The following LIPA variants were observed in gnomAD, a reference collection of about 807,000 sequenced individuals.
LIPA encodes lysosomal acid lipase/cholesteryl ester hydrolase.
LIPA carries 26 observed loss-of-function variants against 40.6 expected under a neutral mutation model. The ratio of observed to expected loss-of-function variants is 0.64; its 90% CI spans 0.47 to 0.89. The LOEUF (loss-of-function observed/expected upper bound fraction) is 0.89. Ranked by LOEUF, LIPA falls within the 40% of genes least tolerant of loss-of-function variation. The pLI, the probability that LIPA is intolerant of heterozygous loss-of-function variation, is 0.00. For missense variants in LIPA, 455 were observed against 479.6 expected, an observed-to-expected ratio of 0.95 and a Z score of 0.48; for synonymous variants, 188 against 168.4, an observed-to-expected ratio of 1.12 and a Z score of -0.90.
At chr10:89,249,674 C>A (rs1347931124) in intron 1 of LIPA, among the ~76,000 whole-genome samples, 2 of 152,050 alleles carry the variant, frequency 1.3e-5, no homozygotes, top group Admixed American at 6.6e-5. Flanking sequence ...ATATAAAACT[C>A]CACAAAATGC....
upstream of LIPA, among the ~76,000 whole-genome samples, chr10:89,252,681 C>T (rs1843144963): frequency 6.6e-6 from 1 of 152,028 alleles, no homozygotes; most frequent in Non-Finnish European, 1.5e-5. Context: ...TGGTGTGTGC[C>T]TCTAATCCCA....
chr10:89,275,062 A>G (rs1843283131), intron 1 of LIPA, among the ~76,000 whole-genome samples: 1 of 152,208 alleles, frequency 6.6e-6, no homozygotes, highest in African/African-American at 2.4e-5. Flanking sequence ...ATAATAAATA[A>G]TGTCTCAACT....
chr10:89,413,129 G>A (rs888323680), intron 1 of LIPA, among the ~76,000 whole-genome samples: 6 of 152,184 alleles, frequency 3.9e-5, no homozygotes, highest in African/African-American at 1.4e-4. Flanking sequence ...TCCTGCATTA[G>A]TTTGCTGAGG....
rs41284136 is a variant in LIPA at position 89,328,048 on chromosome 10, G to A, written c.-2+14563C>T. 1.3e-5 allele frequency: 21 copies of A among 1,613,732 alleles called. No individual in the cohort carries two copies. In the African/African-American group the frequency reaches 1.5e-4, roughly 11 times the overall value. On this transcript the variant is annotated intron_variant, in intron 1 of 5. Transcript: ENST00000282673. ...AATCAGCCTGGTCACCAGCTTTTCG[G>A]AACAGCAGAGACACAGAGGGCAGTC...
chr10:89,243,042 G>A (rs1270314205), intron 3 of LIPA, among the ~76,000 whole-genome samples: 1 of 152,160 alleles, frequency 6.6e-6, no homozygotes, highest in Non-Finnish European at 1.5e-5. Flanking sequence ...GTCATTAGGA[G>A]GATGCTGGTG....
chr10:89,336,568 A>C (rs1366075096), intron 1 of LIPA, among the ~76,000 whole-genome samples: 1 of 152,246 alleles, frequency 6.6e-6, no homozygotes, highest in Non-Finnish European at 1.5e-5. Context: ...GGTAAATTGC[A>C]AATAAAGTCA....
intron 1 of LIPA, among the ~76,000 whole-genome samples, chr10:89,296,414 C>T (rs1364813531): frequency 6.6e-6 from 1 of 150,694 alleles, no homozygotes; most frequent in Non-Finnish European, 1.5e-5. Context: ...ACTGCTTGAA[C>T]CCGGTAGGCA....
chr10:89,390,650 A>C (rs1280540542), intron 2 of LIPA, among the ~76,000 whole-genome samples: 1 of 151,950 alleles, frequency 6.6e-6, no homozygotes, highest in Non-Finnish European at 1.5e-5. Flanking sequence ...TCTTTCCTTA[A>C]TGCTGTTCTA....
chr10:89,384,521 T>G (rs1318743176), intron 2 of LIPA: 1 of 1,613,954 alleles, frequency 6.2e-7, no homozygotes, highest in Admixed American at 1.7e-5. Context: ...ACCCATTATT[T>G]AAAAGGTTTG....
intron 2 of LIPA, chr10:89,384,104 A>G (rs370101022): frequency 1.4e-5 from 22 of 1,614,068 alleles, no homozygotes; most frequent in Non-Finnish European, 1.7e-5. Flanking sequence ...TATCGAAGAA[A>G]AGGGTCTGTG....
At chr10:89,230,814 A>G (rs1032583337) in intron 3 of LIPA, among the ~76,000 whole-genome samples, 1 of 152,248 alleles carries the variant, frequency 6.6e-6, no homozygotes, top group African/African-American at 2.4e-5. Context: ...GTAAGAGTTC[A>G]CTATATATCA....
intron 1 of LIPA, among the ~76,000 whole-genome samples, chr10:89,286,610 G>C (rs1290146901): frequency 6.6e-6 from 1 of 152,164 alleles, no homozygotes. Context: ...ACCCAGCCCA[G>C]TTCATGGCTT....
At position 89,334,156 on chromosome 10, in the gene LIPA, A is replaced by G. The variant is rs576976440; in HGVS notation, c.-2+8455T>C. Among the ~76,000 whole-genome samples the G allele has an allele frequency of 2.0e-5, 3 of 152,346 alleles. No individual in the cohort carries two copies. The East Asian group carries it at 5.8e-4, about 29-fold the overall frequency. Reference sequence around the variant, plus strand: ...AAAATTTCAAGATTCTACTCTAGTAATAGCTTTGACTGGGAAGGAGATGTG... The same window carrying G: ...AAAATTTCAAGATTCTACTCTAGTAGTAGCTTTGACTGGGAAGGAGATGTG... On this transcript the variant is annotated intron_variant, in intron 1 of 5. Transcript: ENST00000282673.
At chr10:89,371,305 T>C (rs543570986) in intron 2 of LIPA, among the ~76,000 whole-genome samples, 2 of 152,338 alleles carry the variant, frequency 1.3e-5, no homozygotes, top group Non-Finnish European at 2.9e-5. Flanking sequence ...AAGGCTAAGC[T>C]TGTGGCCTGC....
intron 1 of LIPA, among the ~76,000 whole-genome samples, chr10:89,342,173 G>T (rs1385641322): frequency 6.6e-6 from 1 of 152,162 alleles, no homozygotes; most frequent in Non-Finnish European, 1.5e-5. Context: ...CCCATGTCAA[G>T]TGTCCTCTGC....
chr10:89,353,802 G>A (rs1843973123), intron 2 of LIPA, among the ~76,000 whole-genome samples: 1 of 152,112 alleles, frequency 6.6e-6, no homozygotes, highest in African/African-American at 2.4e-5. Flanking sequence ...TTAGCTGGGT[G>A]TGGCAGCGTG....
intron 1 of LIPA, chr10:89,308,480 C>T (rs1843497496): frequency 6.6e-6 from 1 of 152,130 alleles, no homozygotes; most frequent in African/African-American, 2.4e-5. Context: ...GTTTTCCCCC[C>T]TTTAGAAATG....
intron 1 of LIPA, among the ~76,000 whole-genome samples, chr10:89,300,300 G>C (rs979458219): frequency 6.6e-6 from 1 of 152,130 alleles, no homozygotes; most frequent in African/African-American, 2.4e-5. Flanking sequence ...GTTAGGTTAT[G>C]GGTACAAACA....
At position 89,387,831 on chromosome 10, in the gene LIPA, T is replaced by C. The variant is rs140781788; in HGVS notation, c.61+24960A>G. Among the ~76,000 whole-genome samples, 174 of 152,332 alleles carry C rather than the reference T, an allele frequency of 1.1e-3. No homozygotes were observed. The East Asian group carries it at 0.03, about 27-fold the overall frequency. On this transcript the variant is annotated intron_variant, in intron 2 of 8. Transcript: ENST00000371837. The stretch of plus-strand genomic sequence containing the variant: ...ATGTAATAAGGTAAATATAGTAAAA[T>C]GTTAACTGTAGAATCTAGTTATACA...
Sources: allele counts gnomAD v4.1 joint callset (sites outside exome capture counted in the v4.1 genomes callset), GRCh38; gene constraint gnomAD v4.1.1; transcripts MANE v1.5; gene names NCBI Gene and HGNC (gene_info 2026-07-23, HGNC 2026-07-21).